CILP2: variants seen among roughly 807,000 people sequenced by gnomAD.
The protein encoded by CILP2 is cartilage intermediate layer protein 2.
Under a neutral mutation model 45.6 loss-of-function variants are expected in CILP2, and 38 were observed. The observed-to-expected ratio is 0.83, with a 90% CI of 0.64 to 1.09. The LOEUF (loss-of-function observed/expected upper bound fraction) is 1.09, where lower values mean the gene tolerates loss of function less well. Ranked by LOEUF, CILP2 falls within the 50% of genes least tolerant of loss-of-function variation. CILP2 has a pLI of 0.00. For missense variants in CILP2, 1,735 were observed against 1,662.2 expected, an observed-to-expected ratio of 1.04 and a Z score of -0.76; for synonymous variants, 780 against 723.5, an observed-to-expected ratio of 1.08 and a Z score of -1.25.
Position 19,545,663 on chromosome 19 carries a change from G to A in CILP2, c.3118G>A (p.Ala1040Thr), listed in dbSNP as rs1292007287. ...GACCCGGCACCCCCCACCGGTGCCC[G>A]CGGAGGACCCAGCTGCCTTCTCCAT... is the stretch of plus-strand genomic sequence containing the variant. ...YLTRHPPPVP[A>T]EDPAAFSMLA... Residue 1040 changes from alanine to threonine, a missense_variant, in exon 8 of 8, where the codon GCG becomes ACG. By Grantham distance (58) the Ala-to-Thr change is moderately conservative. Transcript: ENST00000291495. 8 of 1,609,872 alleles carry A rather than the reference G, an allele frequency of 5.0e-6. No individual in the cohort carries two copies. The highest frequency in any genetic ancestry group is 1.1e-5 in the South Asian group (1 of 90,682).
In CILP2 at chr19:19,546,354, C is replaced by T. The variant is rs1316329434; in HGVS notation, c.*338C>T. 7 of 200,500 alleles carry T rather than the reference C, an allele frequency of 3.5e-5. No individual in the cohort carries two copies. Among genetic ancestry groups the T allele is most frequent in the Non-Finnish European group, 7.0e-5 (7 of 99,980 alleles). 12.4% of individuals were successfully genotyped at this position (200,500 alleles called of 1,614,324 possible). ...TTTGACCCTGATTTCAATCTTCTACCCTTGGGAGTTCTGGCGTTTGGCACA... is the reference window on the plus strand; with the variant it reads ...TTTGACCCTGATTTCAATCTTCTACTCTTGGGAGTTCTGGCGTTTGGCACA... On this transcript the variant is annotated 3_prime_UTR_variant, in exon 8 of 8. Coordinates refer to ENST00000291495, the MANE Select transcript of CILP2 (RefSeq NM_153221.2).
At chr19:19,540,911 C>T (rs2061241059) in intron 3 of CILP2, 180 bp from the exon 4 acceptor site, 1 of 533,882 alleles carries the variant, frequency 1.9e-6, no homozygotes, top group Non-Finnish European at 2.9e-6. Flanking sequence ...ACTATGTCTT[C>T]GACAGGCGCG....
intron 3 of CILP2, 158 bp downstream of exon 3, chr19:19,540,634 A>C: frequency 1.2e-6 from 1 of 817,476 alleles, no homozygotes; most frequent in South Asian, 2.5e-5. Context: ...GGACGACGTC[A>C]GGGGGCGGGG....
rs1428184212 is a variant in CILP2 at position 19,545,656 on chromosome 19, G to C, written c.3111G>C (p.Pro1037=). The C allele has an allele frequency of 6.2e-7, 1 of 1,609,120 alleles. No individual in the cohort carries two copies. Among genetic ancestry groups the C allele is most frequent in the African/African-American group, 1.3e-5 (1 of 74,834 alleles). The part of the protein sequence containing the change: ...LRDYLTRHPP[P]VPAEDPAAFS... The stretch of plus-strand genomic sequence containing the variant: ...ATTACCTGACCCGGCACCCCCCACC[G>C]GTGCCCGCGGAGGACCCAGCTGCCT... The change falls in exon 8 of 8, where the codon CCG becomes CCC. Residue 1037 remains proline (P), a synonymous_variant. Transcript: ENST00000291495.
At position 19,543,389 on chromosome 19, in the gene CILP2, C is replaced by T. The variant is rs372115427; in HGVS notation, c.1119C>T (p.Ala373=). 1.1e-5 allele frequency: 17 copies of T among 1,613,160 alleles called. No individual in the cohort carries two copies. The highest frequency in any genetic ancestry group is 1.4e-5 in the Non-Finnish European group (16 of 1,180,000). Residue 373 remains alanine (A), a synonymous_variant, in exon 7 of 8, where the codon GCC becomes GCT. Coordinates refer to ENST00000291495, the MANE Select transcript of CILP2 (RefSeq NM_153221.2). ...NEAGAVRSGT[A]RLTVLAPGQP... is the part of the protein sequence containing the mutation. ...CGGGTGCCGTGCGCTCGGGCACTGC[C>T]CGGCTCACTGTACTTGGTGAGTGTC...
chr19:19,545,707 T>C lies in CILP2; in HGVS notation c.3162T>C (p.Pro1054=). ...AAFSMLAPLD[P]LGHNYGVYTV... is the part of the protein sequence containing the mutation. Reference sequence around the variant, plus strand: ...TCTCCATGCTGGCCCCCCTAGACCCTCTGGGCCACAACTATGGCGTCTACA... The same window carrying C: ...TCTCCATGCTGGCCCCCCTAGACCCCCTGGGCCACAACTATGGCGTCTACA... Residue 1054 remains proline (P), a synonymous_variant, in exon 8 of 8, where the codon CCT becomes CCC. Coordinates refer to ENST00000291495, the MANE Select transcript of CILP2 (RefSeq NM_153221.2). 3.1e-6 allele frequency: 5 copies of C among 1,612,906 alleles called. No individual in the cohort carries two copies. Among genetic ancestry groups the C allele is most frequent in the Non-Finnish European group, 4.2e-6 (5 of 1,179,734 alleles).
chr19:19,543,598 C>T (rs2061252068), intron 7 of CILP2, 83 bp from the exon 8 acceptor site: 1 of 1,445,206 alleles, frequency 6.9e-7, no homozygotes, highest in South Asian at 1.3e-5. Flanking sequence ...AGGTGGAGTC[C>T]TTGACTGCAG....
At chr19:19,540,862 G>T (rs2061240893) in intron 3 of CILP2, 2 of 418,912 alleles carry the variant, frequency 4.8e-6, no homozygotes, top group Non-Finnish European at 8.2e-6. Flanking sequence ...CTGATCCCCG[G>T]GACCTTATGC....
Position 19,545,885 on chromosome 19 carries a change from C to T in CILP2, c.3340C>T (p.Leu1114Phe). The change falls in exon 8 of 8, where the codon CTC (leucine) becomes TTC (phenylalanine). Residue 1114 changes from leucine to phenylalanine, a missense_variant. Transcript: ENST00000291495. Reference protein sequence around the residue: ...CREPPAGRPSLFQRLLESPAT... With the variant: ...CREPPAGRPSFFQRLLESPAT... ...GGAGCCACCGGCCGGACGACCCAGCCTCTTCCAGAGGCTGCTGGAGTCCCC... is the reference window on the plus strand; with the variant it reads ...GGAGCCACCGGCCGGACGACCCAGCTTCTTCCAGAGGCTGCTGGAGTCCCC... The T allele has an allele frequency of 1.3e-6, 2 of 1,588,390 alleles. No homozygotes were observed. The highest frequency in any genetic ancestry group is 2.2e-5 in the South Asian group (2 of 89,992).
chr19:19,539,685 C>G lies in CILP2; in HGVS notation c.71C>G (p.Thr24Ser). ...AAHLAGARDA[T>S]PTEEPMATAL... ...CCCCACTCCTCACCCACAGACGCCA[C>G]CCCCACCGAGGAGCCAATGGCGACT... The change falls in exon 2 of 8, where the codon ACC (threonine) becomes AGC (serine). Residue 24 changes from threonine (T) to serine (S), a missense_variant. By Grantham distance (58) the Thr-to-Ser change is moderately conservative. Coordinates refer to ENST00000291495, the MANE Select transcript of CILP2 (RefSeq NM_153221.2). 6.3e-7 allele frequency: 1 copy of G among 1,585,674 alleles called. No individual in the cohort carries two copies. The highest frequency in any genetic ancestry group is 8.6e-7 in the Non-Finnish European group (1 of 1,164,468).
At position 19,542,491 on chromosome 19, in the gene CILP2, G is replaced by C; in HGVS notation, c.709G>C (p.Val237Leu). The C allele has an allele frequency of 6.2e-7, 1 of 1,613,822 alleles. No homozygotes were observed. Among genetic ancestry groups the C allele is most frequent in the African/African-American group, 1.3e-5 (1 of 75,064 alleles). ...RVSLRDQPGT[V>L]ATSDAHGTFR... ...CTCCCTGCGAGACCAGCCTGGCACT[G>C]TGGCCACCAGCGATGCTCACGGAAC... The change falls in exon 5 of 8, where the codon GTG becomes CTG. Residue 237 changes from valine (V) to leucine (L), a missense_variant. Physicochemically the swap from Val to Leu is conservative, Grantham distance 32. Coordinates refer to ENST00000291495, the MANE Select transcript of CILP2 (RefSeq NM_153221.2).
rs746895437 is a variant in CILP2 at position 19,539,790 on chromosome 19, G to T, written c.163+13G>T. ...GAGGACTGGGAAGGTGAGTTAGCCT[G>T]CCTCGGAGTCCCGTCTCTGCTGCGG... On this transcript the variant is annotated intron_variant, in intron 2 of 7. Coordinates refer to ENST00000291495, the MANE Select transcript of CILP2 (RefSeq NM_153221.2). The T allele has an allele frequency of 2.4e-5, 38 of 1,561,276 alleles. No homozygotes were observed. Among genetic ancestry groups the T allele is most frequent in the Admixed American group, 3.7e-5 (2 of 53,710 alleles).
intron 6 of CILP2, 131 bp downstream of exon 6, chr19:19,543,103 G>T (rs910026540): frequency 1.5e-4 from 149 of 1,008,034 alleles, no homozygotes; most frequent in Non-Finnish European, 2.0e-4. Flanking sequence ...GTGGGAGAGG[G>T]ACTACCAAGG....
At position 19,540,224 on chromosome 19, in the gene CILP2, T is replaced by C; in HGVS notation, c.184T>C (p.Trp62Arg). The C allele has an allele frequency of 6.3e-7, 1 of 1,595,908 alleles. No individual in the cohort carries two copies. Among genetic ancestry groups the C allele is most frequent in the Non-Finnish European group, 8.5e-7 (1 of 1,174,098 alleles). ...DWEEASEWTS[W>R]FNVDHPGGDG... is the part of the protein sequence containing the mutation. ...CGCAGAGGCCAGCGAGTGGACGTCC[T>C]GGTTCAACGTGGACCACCCCGGAGG... The change falls in exon 3 of 8, where the codon TGG becomes CGG. Residue 62 changes from tryptophan to arginine, a missense_variant. Coordinates refer to ENST00000291495, the MANE Select transcript of CILP2 (RefSeq NM_153221.2).
rs777713707 is a variant in CILP2 at position 19,543,710 on chromosome 19, C to A, written c.1165C>A (p.Pro389Thr). 6.2e-7 allele frequency: 1 copy of A among 1,601,846 alleles called. No individual in the cohort carries two copies. Among genetic ancestry groups the A allele is most frequent in the African/African-American group, 1.3e-5 (1 of 74,760 alleles). ...AGGCCAGCCAGCCTGCGACCCCCGG[C>A]CCCGAGAGTACCTGATCAAGCTCCC... is the stretch of plus-strand genomic sequence containing the variant. ...APGQPACDPR[P>T]REYLIKLPED... Residue 389 changes from proline (P) to threonine (T), a missense_variant, in exon 8 of 8, where the codon CCC becomes ACC. Physicochemically the swap from Pro to Thr is conservative, Grantham distance 38. Transcript: ENST00000291495.
intron 3 of CILP2, chr19:19,540,830 G>A (rs2061240714): frequency 2.4e-6 from 1 of 419,064 alleles, no homozygotes; most frequent in Non-Finnish European, 4.2e-6. Flanking sequence ...AATGCGTGCA[G>A]GATGCAGGGA....
Position 19,544,808 on chromosome 19 carries a change from G to A in CILP2, c.2263G>A (p.Val755Met). ...CGACAAGTTCACCCCCAGCGAGCAGGTGGAGGGCGTGGTGGTCACGCTGGT... is the reference window on the plus strand; with the variant it reads ...CGACAAGTTCACCCCCAGCGAGCAGATGGAGGGCGTGGTGGTCACGCTGGT... ...ANDKFTPSEQ[V>M]EGVVVTLVNL... The change falls in exon 8 of 8, where the codon GTG (valine) becomes ATG (methionine). Residue 755 changes from valine to methionine, a missense_variant. Physicochemically the swap from Val to Met is conservative, Grantham distance 21. Coordinates refer to ENST00000291495, the MANE Select transcript of CILP2 (RefSeq NM_153221.2). The A allele has an allele frequency of 6.2e-7, 1 of 1,604,318 alleles. No individual in the cohort carries two copies.
rs1568370318 is a variant in CILP2 at position 19,544,805 on chromosome 19, C to A, written c.2260C>A (p.Gln754Lys). The A allele has an allele frequency of 3.1e-6, 5 of 1,604,962 alleles. No homozygotes were observed. The South Asian group carries it at 4.4e-5, about 14-fold the overall frequency. The change falls in exon 8 of 8, where the codon CAG becomes AAG. Residue 754 changes from glutamine (Q) to lysine (K), a missense_variant. Physicochemically the swap from Gln to Lys is moderately conservative, Grantham distance 53 (BLOSUM62 1). Transcript: ENST00000291495. ...YANDKFTPSE[Q>K]VEGVVVTLVN... The stretch of plus-strand genomic sequence containing the variant: ...CAACGACAAGTTCACCCCCAGCGAG[C>A]AGGTGGAGGGCGTGGTGGTCACGCT...
At chr19:19,541,459 G>A (rs1176591080) in intron 4 of CILP2, among the ~76,000 whole-genome samples, 3 of 152,172 alleles carry the variant, frequency 2.0e-5, no homozygotes, top group Admixed American at 2.0e-4. Context: ...CGGGGGCGGA[G>A]CCTGGAGGAC....
Sources: allele counts gnomAD v4.1 joint callset (sites outside exome capture counted in the v4.1 genomes callset), GRCh38; gene constraint gnomAD v4.1.1; transcripts MANE v1.5; gene names NCBI Gene and HGNC (gene_info 2026-07-23, HGNC 2026-07-21).